The following TSPAN7 variants were observed in gnomAD, a reference collection of about 807,000 sequenced individuals.
TSPAN7 encodes tetraspanin-7.
TSPAN7 carries 1 observed loss-of-function variant against 17.6 expected under a neutral mutation model. The ratio of observed to expected loss-of-function variants is 0.06; its 90% CI spans 0.02 to 0.27. The LOEUF is 0.27. TSPAN7 is among the 10% of genes least tolerant of loss of function. The probability of loss-of-function intolerance (pLI) is 1.00; values close to 1 mark genes in which losing one functional copy is unlikely to be tolerated. For missense variants in TSPAN7, 112 were observed against 201.7 expected, an observed-to-expected ratio of 0.56 and a Z score of 2.69; for synonymous variants, 78 against 79.0, an observed-to-expected ratio of 0.99 and a Z score of 0.07.
intron 6 of TSPAN7, among the ~76,000 whole-genome samples, chrX:38,682,554 G>C (rs1219500049): frequency 1.8e-5 from 2 of 112,490 alleles, no homozygotes; most frequent in East Asian, 5.5e-4. Context: ...CAAAACCTGT[G>C]AGACATTTTA....
intron 1 of TSPAN7, among the ~76,000 whole-genome samples, chrX:38,583,396 G>A (rs777311358): frequency 4.5e-4 from 50 of 111,702 alleles, no homozygotes; most frequent in African/African-American, 1.6e-3. Context: ...ATGTTGTATC[G>A]TAATCATTTG....
At chrX:38,677,404 G>T (rs1234679245) in intron 5 of TSPAN7, among the ~76,000 whole-genome samples, 2 of 112,241 alleles carry the variant, frequency 1.8e-5, no homozygotes, top group Non-Finnish European at 1.9e-5. Context: ...ATCACATGGA[G>T]TCTTTTATTA....
intron 5 of TSPAN7, among the ~76,000 whole-genome samples, chrX:38,677,726 C>T (rs2069863750): frequency 8.9e-6 from 1 of 112,572 alleles, no homozygotes; most frequent in Non-Finnish European, 1.9e-5. Context: ...TAAAATTTGT[C>T]TAGCAAGTTT....
At chrX:38,640,357 A>G (rs1202601961) in intron 1 of TSPAN7, among the ~76,000 whole-genome samples, 1 of 111,877 alleles carries the variant, frequency 8.9e-6, no homozygotes, top group Admixed American at 9.5e-5. Flanking sequence ...AAATATGAGA[A>G]CAAAAGGGCA....
At chrX:38,662,711 C>A (rs183189957) in intron 1 of TSPAN7, among the ~76,000 whole-genome samples, 1 of 111,242 alleles carries the variant, frequency 9.0e-6, no homozygotes, top group East Asian at 2.8e-4. Flanking sequence ...TTCCTGGAAC[C>A]ATATAGAGTG....
intron 1 of TSPAN7, among the ~76,000 whole-genome samples, chrX:38,600,762 A>G (rs1246095406): frequency 8.9e-6 from 1 of 112,154 alleles, no homozygotes; most frequent in African/African-American, 3.2e-5. Context: ...TTTTCTTCCA[A>G]TAAGCAGGAA....
intron 1 of TSPAN7, among the ~76,000 whole-genome samples, chrX:38,585,559 G>A (rs1483790571): frequency 2.7e-5 from 3 of 111,134 alleles, no homozygotes; most frequent in African/African-American, 9.8e-5. Context: ...TAAAATATTT[G>A]TATACAGATA....
At chrX:38,605,764 A>G (rs2069377501) in intron 1 of TSPAN7, among the ~76,000 whole-genome samples, 1 of 110,737 alleles carries the variant, frequency 9.0e-6, no homozygotes, top group African/African-American at 3.3e-5. Context: ...CCGCATATCT[A>G]CAACTATCTG....
At chrX:38,596,768 T>C (rs1175994217) in intron 1 of TSPAN7, among the ~76,000 whole-genome samples, 6 of 111,558 alleles carry the variant, frequency 5.4e-5, no homozygotes, top group Non-Finnish European at 1.1e-4. Flanking sequence ...AGATGGGACA[T>C]TTGTTTAGGT....
chrX:38,681,667 T>C (rs1455768162), intron 6 of TSPAN7, among the ~76,000 whole-genome samples: 1 of 111,781 alleles, frequency 8.9e-6, no homozygotes, highest in Non-Finnish European at 1.9e-5. Context: ...TTTTTTGCTC[T>C]CTCTTAGTTC....
At chrX:38,680,816 C>T (rs1286476054) in intron 5 of TSPAN7, among the ~76,000 whole-genome samples, 7 of 111,600 alleles carry the variant, frequency 6.3e-5, no homozygotes, top group Non-Finnish European at 1.1e-4. Context: ...TTCAAGTCTA[C>T]TTCTTTGTCT....
At chrX:38,640,566 A>G (rs1432819945) in intron 1 of TSPAN7, among the ~76,000 whole-genome samples, 4 of 112,234 alleles carry the variant, frequency 3.6e-5, no homozygotes. Context: ...GTGATGAGAG[A>G]GAGACTTTCA....
intron 1 of TSPAN7, among the ~76,000 whole-genome samples, chrX:38,664,741 G>A (rs1334394920): frequency 8.9e-6 from 1 of 112,083 alleles, no homozygotes; most frequent in African/African-American, 3.2e-5. Flanking sequence ...CTTTCATGGT[G>A]AAGGTTCTAC....
intron 2 of TSPAN7, among the ~76,000 whole-genome samples, chrX:38,670,197 A>G (rs1253856695): frequency 1.8e-5 from 2 of 112,080 alleles, no homozygotes; most frequent in Non-Finnish European, 3.8e-5. Flanking sequence ...ATGTGGCCAC[A>G]TGCAATCTAT....
chrX:38,612,570 C>T (rs927475209), intron 1 of TSPAN7: 2 of 111,780 alleles, frequency 1.8e-5, no homozygotes, highest in African/African-American at 6.5e-5. Flanking sequence ...TGGCCTCTCT[C>T]CTGAGTCAGA....
chrX:38,610,713 ATGTCTTGATACACTTCAC>A (rs1053924770), intron 1 of TSPAN7, among the ~76,000 whole-genome samples: 1 of 112,244 alleles, frequency 8.9e-6, no homozygotes, highest in African/African-American at 3.2e-5. Context: ...TACTGTGGCC[ATGTCTTGATACACTTCAC>A]TGAGTTTTCT....
chrX:38,573,467 C>T (rs2069179672), intron 1 of TSPAN7, among the ~76,000 whole-genome samples: 1 of 111,738 alleles, frequency 8.9e-6, no homozygotes, highest in African/African-American at 3.2e-5. Flanking sequence ...TTTAAGTTTA[C>T]AGAAAAATTA....
intron 1 of TSPAN7, among the ~76,000 whole-genome samples, chrX:38,601,668 A>G (rs1244269131): frequency 8.9e-6 from 1 of 111,987 alleles, no homozygotes; most frequent in Non-Finnish European, 1.9e-5. Context: ...AGATACATCT[A>G]CTGGTAAGGG....
intron 2 of TSPAN7, among the ~76,000 whole-genome samples, chrX:38,670,838 T>C (rs2069817198): frequency 8.9e-6 from 1 of 112,324 alleles, no homozygotes; most frequent in Admixed American, 9.4e-5. Flanking sequence ...GCAGCACCAA[T>C]GCCAGTGAGT....
Sources: allele counts gnomAD v4.1 joint callset (sites outside exome capture counted in the v4.1 genomes callset), GRCh38; gene constraint gnomAD v4.1.1; transcripts MANE v1.5; gene names NCBI Gene and HGNC (gene_info 2026-07-23, HGNC 2026-07-21).